The following KCNIP4 variants were observed in gnomAD, a reference collection of about 807,000 sequenced individuals.
The protein encoded by KCNIP4 is Kv channel-interacting protein 4.
KCNIP4 carries 12 observed loss-of-function variants against 34.0 expected under a neutral mutation model. That is an observed-to-expected ratio of 0.35 (90% CI 0.23 to 0.57). KCNIP4 has a LOEUF of 0.57. Among genes scored for constraint, KCNIP4 ranks in the 20% least tolerant of loss-of-function variants. The probability of loss-of-function intolerance (pLI) is 0.83; values close to 1 mark genes in which losing one functional copy is unlikely to be tolerated. For missense variants in KCNIP4, 238 were observed against 311.7 expected (o/e 0.76, Z 1.78); for synonymous variants, 124 against 102.2 (o/e 1.21, Z -1.29).
intron 1 of KCNIP4, among the ~76,000 whole-genome samples, chr4:21,508,780 CAA>C (rs1179672091): frequency 6.6e-6 from 1 of 152,150 alleles, no homozygotes; most frequent in Non-Finnish European, 1.5e-5. Flanking sequence ...CTATGAACAG[CAA>C]AAGAGAGAGA....
At chr4:20,832,726 T>TAAA (rs34577392) in intron 3 of KCNIP4, among the ~76,000 whole-genome samples, 5 of 142,024 alleles carry the variant, frequency 3.5e-5, no homozygotes, top group African/African-American at 1.3e-4. Flanking sequence ...GCTTTTTATT[T>TAAA]AAAAAAAAAA....
chr4:21,132,815 C>G (rs187392422), intron 1 of KCNIP4, among the ~76,000 whole-genome samples: 1 of 148,862 alleles, frequency 6.7e-6, no homozygotes, highest in Non-Finnish European at 1.5e-5. Context: ...TCGAGACCAG[C>G]CTGGGCAACA....
chr4:21,613,053 A>G lies in KCNIP4; in HGVS notation c.61+335518T>C, dbSNP rs542579838. On this transcript the variant is annotated intron_variant, in intron 1 of 8. Transcript: ENST00000382152. ...CCCTGGTTTCATCAGTCTAATCTTG[A>G]GTACTGTTGGATCAGCAGCCACTCC... Among the ~76,000 whole-genome samples the G allele has an allele frequency of 1.4e-3, 214 of 152,282 alleles. 2 individuals carry two copies. Among genetic ancestry groups the G allele is most frequent in the South Asian group, 4.1e-3 (20 of 4,826 alleles).
chr4:20,976,937 G>A (rs1369393497), intron 1 of KCNIP4, among the ~76,000 whole-genome samples: 6 of 151,958 alleles, frequency 3.9e-5, no homozygotes, highest in African/African-American at 9.7e-5. Flanking sequence ...GGGTTCAAGC[G>A]ATTCTCCCAC....
rs1387059461 is a variant in KCNIP4, at chr4:20,748,861, A to G, written c.429+801T>C. On this transcript the variant is annotated intron_variant, in intron 5 of 8. Coordinates refer to ENST00000382152, the MANE Select transcript of KCNIP4 (RefSeq NM_025221.6). ...ATCTGCTATTTACCATTTGAATCAT[A>G]TGAATTACGTGTGTGTGTGTATGTG... Among the ~76,000 whole-genome samples, 7 of 145,858 alleles carry G rather than the reference A, an allele frequency of 4.8e-5. No individual in the cohort carries two copies. In the East Asian group the frequency reaches 1.4e-3, roughly 29 times the overall value.
chr4:21,128,618 T>C (rs959331971), intron 1 of KCNIP4, among the ~76,000 whole-genome samples: 3 of 152,168 alleles, frequency 2.0e-5, no homozygotes, highest in African/African-American at 4.8e-5. Context: ...GCTTGCCACA[T>C]AGTAGGTGAT....
intron 2 of KCNIP4, among the ~76,000 whole-genome samples, chr4:20,865,816 T>A (rs541476422): frequency 7.1e-4 from 108 of 152,010 alleles, no homozygotes; most frequent in Non-Finnish European, 1.3e-3. Flanking sequence ...TTGTGATCTT[T>A]GCTAAAAGAA....
At chr4:21,832,020 A>T (rs1445929896) in intron 1 of KCNIP4, among the ~76,000 whole-genome samples, 2 of 152,178 alleles carry the variant, frequency 1.3e-5, no homozygotes, top group Admixed American at 1.3e-4. Context: ...ATCCAACAGC[A>T]CATTAAAACA....
At chr4:21,246,655 G>A (rs766196061) in intron 1 of KCNIP4, among the ~76,000 whole-genome samples, 3 of 152,082 alleles carry the variant, frequency 2.0e-5, no homozygotes, top group African/African-American at 7.2e-5. Context: ...GAGATTGGAA[G>A]GGTTAAACAT....
intron 1 of KCNIP4, among the ~76,000 whole-genome samples, chr4:21,240,335 C>G (rs1759717562): frequency 6.7e-6 from 1 of 149,212 alleles, no homozygotes; most frequent in Non-Finnish European, 1.5e-5. Flanking sequence ...GTAACAAAAC[C>G]TGCACATTGT....
intron 1 of KCNIP4, among the ~76,000 whole-genome samples, chr4:21,104,019 A>T (rs923218623): frequency 2.0e-5 from 3 of 149,030 alleles, no homozygotes; most frequent in Non-Finnish European, 4.4e-5. Context: ...AGTCTTTGCT[A>T]TTGTGAATAG....
intron 1 of KCNIP4, among the ~76,000 whole-genome samples, chr4:21,178,358 T>G (rs1038709373): frequency 6.6e-5 from 10 of 152,280 alleles, no homozygotes; most frequent in Admixed American, 2.0e-4. Flanking sequence ...TTGTTGATGT[T>G]TTACTTGTCT....
intron 1 of KCNIP4, among the ~76,000 whole-genome samples, chr4:21,279,485 TTA>T (rs368733787): frequency 2.0e-4 from 30 of 147,614 alleles, no homozygotes; most frequent in African/African-American, 1.7e-4. Context: ...ACTTTAAAGA[TTA>T]TATATATATA....
At position 20,854,095 on chromosome 4, in the gene KCNIP4, A is replaced by G. The variant is rs757753117; in HGVS notation, c.164-3428T>C. On this transcript the variant is annotated intron_variant, in intron 2 of 8. Transcript: ENST00000382152. ...AAAACAATGTGGAGATTCCTTAAAG[A>G]ACTAAAAGTAGAACTACCATTTGAT... 9.3e-4 allele frequency among the ~76,000 whole-genome samples: 142 copies of G among 152,184 alleles called. 3 individuals are homozygous for G. The highest frequency in any genetic ancestry group is 3.9e-4 in the Admixed American group (6 of 15,268).
intron 2 of KCNIP4, among the ~76,000 whole-genome samples, chr4:20,864,086 A>G (rs1009411923): frequency 6.6e-6 from 1 of 151,350 alleles, no homozygotes; most frequent in African/African-American, 2.4e-5. Context: ...GTATGTATGT[A>G]TATGCATGTA....
At chr4:20,890,463 G>T (rs1376858414) in intron 1 of KCNIP4, among the ~76,000 whole-genome samples, 2 of 152,038 alleles carry the variant, frequency 1.3e-5, no homozygotes, top group Non-Finnish European at 2.9e-5. Context: ...ATCCTGTTTC[G>T]ATTATTAACA....
intron 1 of KCNIP4, among the ~76,000 whole-genome samples, chr4:21,546,330 T>C (rs1424384149): frequency 6.6e-6 from 1 of 152,114 alleles, no homozygotes; most frequent in Non-Finnish European, 1.5e-5. Flanking sequence ...AAGATTTATA[T>C]TGAATGGGTA....
intron 3 of KCNIP4, among the ~76,000 whole-genome samples, chr4:20,765,046 CAG>C (rs1276179203): frequency 6.6e-6 from 1 of 152,308 alleles, no homozygotes; most frequent in African/African-American, 2.4e-5. Flanking sequence ...CAGGTTTTGA[CAG>C]AGACATCTTT....
chr4:21,703,182 G>A (rs968412466), intron 1 of KCNIP4, among the ~76,000 whole-genome samples: 1 of 152,064 alleles, frequency 6.6e-6, no homozygotes, highest in African/African-American at 2.4e-5. Flanking sequence ...TTCACCCAAA[G>A]ATAAGGATCA....
Sources: allele counts gnomAD v4.1 joint callset (sites outside exome capture counted in the v4.1 genomes callset), GRCh38; gene constraint gnomAD v4.1.1; transcripts MANE v1.5; gene names NCBI Gene and HGNC (gene_info 2026-07-23, HGNC 2026-07-21).